The following LINC00632 variants were observed in gnomAD, a reference collection of about 807,000 sequenced individuals.
The protein encoded by LINC00632 is ALDOA related specific transcript.
At chrX:140,757,064 G>C (rs1300391491) in intron 3 of LINC00632, among the ~76,000 whole-genome samples, 1 of 110,491 alleles carries the variant, frequency 9.1e-6, no homozygotes. Flanking sequence ...GAACGTTTTT[G>C]ACAATAGAAC....
In LINC00632 at chrX:140,746,685, G is replaced by A. The variant is rs142067037; in HGVS notation, n.191+12721G>A. ...TATAAGATAGGTGACAGCTACTAAT[G>A]TATTTATGGAGGCAACAGAACAAAC... On this transcript the variant is annotated intron_variant and non_coding_transcript_variant, in intron 3 of 4. Transcript: ENST00000648200. Among the ~76,000 whole-genome samples, 48 of 112,278 alleles carry A rather than the reference G, an allele frequency of 4.3e-4. No individual in the cohort carries two copies. The East Asian group carries it at 0.013, about 29-fold the overall frequency.
At chrX:140,766,908 T>C (rs983658452) in intron 3 of LINC00632, among the ~76,000 whole-genome samples, 1 of 99,946 alleles carries the variant, frequency 1.0e-5, no homozygotes, top group Admixed American at 1.1e-4. Flanking sequence ...ATTCATATTG[T>C]AGAAACTTAG....
intron 3 of LINC00632, among the ~76,000 whole-genome samples, chrX:140,739,312 C>T (rs894088200): frequency 9.1e-6 from 1 of 110,359 alleles, no homozygotes; most frequent in Admixed American, 9.8e-5. Context: ...TTCCGCCTCC[C>T]GGGTTCAAGC....
chrX:140,736,436 C>CTTTTTTTTTTTTTTTTTTTTTT (rs748293491), intron 3 of LINC00632, among the ~76,000 whole-genome samples: 1 of 50,064 alleles, frequency 2.0e-5, no homozygotes, highest in African/African-American at 5.7e-5. Flanking sequence ...TCTTCTTCTT[C>CTTTTTTTTTTTTTTTTTTTTTT]TTTTTTTTTT....
At chrX:140,757,445 A>G (rs1267190089) in intron 3 of LINC00632, among the ~76,000 whole-genome samples, 1 of 111,686 alleles carries the variant, frequency 9.0e-6, no homozygotes, top group East Asian at 2.8e-4. Flanking sequence ...AAGATTAAAC[A>G]GTACTGATAC....
In LINC00632 at chrX:140,716,804, C is replaced by CACACACACAG. The variant is rs1454083502; in HGVS notation, n.104+5157_104+5158insGACACACACA. 6.5e-3 allele frequency among the ~76,000 whole-genome samples: 710 copies of CACACACACAG among 109,039 alleles called. 2 individuals carry two copies. The highest frequency in any genetic ancestry group is 0.017 in the South Asian group (42 of 2,533). 94.7% of individuals were successfully genotyped at this position (109,039 alleles called of 115,157 possible). ...ATACACACACACACACACACACACA[C>CACACACACAG]ACACACACACAGACACACACACATC... On this transcript the variant is annotated intron_variant and non_coding_transcript_variant, in intron 2 of 4. Transcript: ENST00000648200.
chrX:140,739,212 A>G (rs940650413), intron 3 of LINC00632, among the ~76,000 whole-genome samples: 3 of 110,709 alleles, frequency 2.7e-5, no homozygotes, highest in Admixed American at 9.7e-5. Context: ...ATTTAATCAC[A>G]TCTGATTTCT....
At chrX:140,713,405 A>G (rs1930558217) in intron 2 of LINC00632, 1 of 285,227 alleles carries the variant, frequency 3.5e-6, no homozygotes, top group South Asian at 3.3e-5. Flanking sequence ...GGGACGGGTT[A>G]CTTAAATCTC....
At chrX:140,766,051 G>T (rs1338767598) in intron 3 of LINC00632, among the ~76,000 whole-genome samples, 1 of 111,702 alleles carries the variant, frequency 9.0e-6, no homozygotes, top group Non-Finnish European at 1.9e-5. Flanking sequence ...AACAGAGTTT[G>T]CTTCCCTTGA....
intron 2 of LINC00632, among the ~76,000 whole-genome samples, chrX:140,718,716 G>C (rs1930680219): frequency 9.0e-6 from 1 of 111,525 alleles, no homozygotes; most frequent in Non-Finnish European, 1.9e-5. Flanking sequence ...CAGCCTGACT[G>C]TACCTATTCC....
At chrX:140,723,760 ATATT>A (rs1930815740) in intron 2 of LINC00632, among the ~76,000 whole-genome samples, 1 of 17,989 alleles carries the variant, frequency 5.6e-5, no homozygotes, top group African/African-American at 1.6e-4. Flanking sequence ...ATACACACAC[ATATT>A]CCATACACAC....
exon 5 of LINC00632, among the ~76,000 whole-genome samples, chrX:140,787,159 A>G (rs1262995089): frequency 9.2e-6 from 1 of 108,120 alleles, no homozygotes; most frequent in African/African-American, 3.4e-5. Context: ...AAACACTTCA[A>G]AATATATGTT....
At chrX:140,718,555 G>A (rs1159255526) in intron 2 of LINC00632, among the ~76,000 whole-genome samples, 1 of 109,733 alleles carries the variant, frequency 9.1e-6, no homozygotes, top group South Asian at 4.1e-4. Context: ...TGGGATTACA[G>A]GCCCGCCACC....
chrX:140,745,012 T>C (rs768041104), intron 3 of LINC00632, among the ~76,000 whole-genome samples: 14 of 110,795 alleles, frequency 1.3e-4, no homozygotes, highest in African/African-American at 4.3e-4. Context: ...ACTTATGATA[T>C]AGGAAAAATT....
chrX:140,733,300 G>A (rs1931089440), intron 2 of LINC00632, among the ~76,000 whole-genome samples: 1 of 111,937 alleles, frequency 8.9e-6, no homozygotes, highest in South Asian at 3.7e-4. Context: ...ATAGAAACAT[G>A]TGCATAGCCA....
At chrX:140,721,259 A>C (rs1449984289) in intron 2 of LINC00632, among the ~76,000 whole-genome samples, 2 of 111,389 alleles carry the variant, frequency 1.8e-5, no homozygotes, top group Admixed American at 9.6e-5. Flanking sequence ...AACACCCAGA[A>C]TGGCCCTGCA....
At chrX:140,746,821 C>T (rs1293654233) in intron 3 of LINC00632, among the ~76,000 whole-genome samples, 3 of 111,881 alleles carry the variant, frequency 2.7e-5, no homozygotes, top group Non-Finnish European at 5.6e-5. Flanking sequence ...TTCTATCACC[C>T]TCCCACTCCA....
exon 5 of LINC00632, chrX:140,782,750 T>C (rs887860628): frequency 8.9e-6 from 1 of 111,879 alleles, no homozygotes; most frequent in African/African-American, 3.2e-5. Flanking sequence ...AACTTTCAGG[T>C]ACATCAATAT....
At chrX:140,749,270 T>C (rs967747511) in intron 3 of LINC00632, among the ~76,000 whole-genome samples, 1 of 111,900 alleles carries the variant, frequency 8.9e-6, no homozygotes, top group Non-Finnish European at 1.9e-5. Context: ...GTTGTCTAGA[T>C]GTTACATTCC....
Sources: gnomAD v4.1 joint callset for allele counts (sites outside exome capture counted in the v4.1 genomes callset) on GRCh38, gnomAD v4.1.1 for gene constraint, MANE v1.5 for transcripts, NCBI Gene and HGNC (gene_info 2026-07-23, HGNC 2026-07-21) for gene names.